CNTNAP2: variants seen among roughly 807,000 people sequenced by gnomAD.
The protein encoded by CNTNAP2 is contactin associated protein 2.
CNTNAP2 carries 98 observed loss-of-function variants against 155.2 expected under a neutral mutation model. That is an observed-to-expected ratio of 0.63 (90% confidence interval 0.54 to 0.75). The LOEUF (loss-of-function observed/expected upper bound fraction) is 0.75, where lower values mean the gene tolerates loss of function less well. Ranked by LOEUF, CNTNAP2 falls within the 30% of genes least tolerant of loss-of-function variation. The pLI is 0.00. For missense variants in CNTNAP2, 1,727 were observed against 1,688.1 expected (o/e 1.02, Z -0.40); for synonymous variants, 651 against 631.2 (o/e 1.03, Z -0.47).
chr7:147,327,658 C>T (rs721124), intron 9 of CNTNAP2, among the ~76,000 whole-genome samples: 34,391 of 151,980 alleles, frequency 0.23, 4,329 homozygotes, highest in East Asian at 0.36. Flanking sequence ...ATTATTTTTT[C>T]TCATGTTGAC....
intron 8 of CNTNAP2, among the ~76,000 whole-genome samples, chr7:147,268,537 C>A (rs185941511): frequency 6.6e-6 from 1 of 151,988 alleles, no homozygotes; most frequent in South Asian, 2.1e-4. Context: ...GGAGGGATCG[C>A]GTAAGGAGAA....
At chr7:147,659,859 A>G (rs1321942205) in intron 13 of CNTNAP2, among the ~76,000 whole-genome samples, 1 of 150,060 alleles carries the variant, frequency 6.7e-6, no homozygotes, top group Admixed American at 6.6e-5. Flanking sequence ...TTGTTTTGAA[A>G]GAATAACAAA....
At chr7:146,982,321 G>A (rs954112392) in intron 3 of CNTNAP2, among the ~76,000 whole-genome samples, 2 of 151,958 alleles carry the variant, frequency 1.3e-5, no homozygotes, top group African/African-American at 4.8e-5. Context: ...TAATATATAA[G>A]ATCATGTTAT....
intron 8 of CNTNAP2, among the ~76,000 whole-genome samples, chr7:147,261,073 G>A (rs527508042): frequency 2.2e-4 from 33 of 152,258 alleles, no homozygotes; most frequent in African/African-American, 7.9e-4. Flanking sequence ...TGAACCACTT[G>A]TAATAAACAT....
chr7:147,728,878 G>A (rs767229215), intron 13 of CNTNAP2, among the ~76,000 whole-genome samples: 14 of 151,708 alleles, frequency 9.2e-5, no homozygotes, highest in Non-Finnish European at 1.6e-4. Flanking sequence ...TTTATACCAA[G>A]TGTTCATAAA....
At chr7:148,210,582 C>T (rs1022576141) in intron 18 of CNTNAP2, among the ~76,000 whole-genome samples, 2 of 152,248 alleles carry the variant, frequency 1.3e-5, no homozygotes, top group African/African-American at 2.4e-5. Flanking sequence ...GTGGGCCACA[C>T]GTGCCACTCA....
At chr7:147,672,250 G>T (rs986548805) in intron 13 of CNTNAP2, 1 of 152,080 alleles carries the variant, frequency 6.6e-6, no homozygotes, top group Non-Finnish European at 1.5e-5. Flanking sequence ...TACCACAAAT[G>T]ATCTACTCAT....
intron 3 of CNTNAP2, among the ~76,000 whole-genome samples, chr7:146,971,016 A>G (rs1024511443): frequency 6.6e-6 from 1 of 152,142 alleles, no homozygotes; most frequent in African/African-American, 2.4e-5. Context: ...AACAATGAGA[A>G]CACATGGACA....
At chr7:147,102,628 T>C (rs952495780) in intron 4 of CNTNAP2, among the ~76,000 whole-genome samples, 11 of 152,178 alleles carry the variant, frequency 7.2e-5, no homozygotes, top group African/African-American at 2.4e-4. Flanking sequence ...TTTTGTTCCA[T>C]TTTCCCCAAA....
intron 13 of CNTNAP2, among the ~76,000 whole-genome samples, chr7:147,781,224 T>C (rs182206837): frequency 1.3e-5 from 2 of 152,360 alleles, no homozygotes; most frequent in Admixed American, 1.3e-4. Context: ...TGTTGCCTTA[T>C]GACTGCTGAC....
At chr7:147,689,008 A>G (rs1563053651) in intron 13 of CNTNAP2, among the ~76,000 whole-genome samples, 1 of 152,186 alleles carries the variant, frequency 6.6e-6, no homozygotes, top group Non-Finnish European at 1.5e-5. Flanking sequence ...TTCTGTCACA[A>G]GCTGCATAAT....
At chr7:146,236,819 T>G (rs1799482137) in intron 1 of CNTNAP2, among the ~76,000 whole-genome samples, 2 of 151,992 alleles carry the variant, frequency 1.3e-5, no homozygotes, top group African/African-American at 4.8e-5. Flanking sequence ...TATTAATTAA[T>G]TAATTAGTCT....
At chr7:146,357,663 T>C (rs561307937) in intron 1 of CNTNAP2, among the ~76,000 whole-genome samples, 1 of 152,268 alleles carries the variant, frequency 6.6e-6, no homozygotes, top group Admixed American at 6.5e-5. Context: ...ATTTCTCTAT[T>C]TTGCTAAAAT....
chr7:146,178,273 T>G (rs1047746292), intron 1 of CNTNAP2, among the ~76,000 whole-genome samples: 2 of 152,224 alleles, frequency 1.3e-5, no homozygotes, highest in African/African-American at 4.8e-5. Flanking sequence ...GACCTCGTGA[T>G]CCGCCTGCCT....
chr7:147,690,234 C>T (rs1193204188), intron 13 of CNTNAP2, among the ~76,000 whole-genome samples: 1 of 152,144 alleles, frequency 6.6e-6, no homozygotes, highest in Non-Finnish European at 1.5e-5. Flanking sequence ...ACTTTTTTCC[C>T]TGTCCACCAG....
chr7:148,368,663 G>A (rs1295317763), intron 21 of CNTNAP2, among the ~76,000 whole-genome samples: 1 of 152,200 alleles, frequency 6.6e-6, no homozygotes, highest in Non-Finnish European at 1.5e-5. Flanking sequence ...GCATCGGCAA[G>A]ACTCCTGTCT....
intron 3 of CNTNAP2, among the ~76,000 whole-genome samples, chr7:147,000,237 A>G (rs1293822696): frequency 6.6e-6 from 1 of 151,888 alleles, no homozygotes; most frequent in Non-Finnish European, 1.5e-5. Context: ...TATTATTTCA[A>G]TTTATTATTT....
intron 8 of CNTNAP2, among the ~76,000 whole-genome samples, chr7:147,134,216 A>C (rs375117235): frequency 2.0e-5 from 3 of 152,002 alleles, no homozygotes; most frequent in Admixed American, 2.0e-4. Flanking sequence ...GTCAATAAAC[A>C]TGTATTAATT....
intron 12 of CNTNAP2, among the ~76,000 whole-genome samples, chr7:147,623,075 A>C (rs1306636069): frequency 2.0e-4 from 30 of 152,090 alleles, no homozygotes; most frequent in Admixed American, 1.8e-3. Flanking sequence ...GAAGAAATCC[A>C]AAACCTGAAG....
Sources: allele counts gnomAD v4.1 joint callset (sites outside exome capture counted in the v4.1 genomes callset), GRCh38; gene constraint gnomAD v4.1.1; transcripts MANE v1.5; gene names NCBI Gene and HGNC (gene_info 2026-07-23, HGNC 2026-07-21).